The following CLCN1 variants were observed in gnomAD, a reference collection of about 807,000 sequenced individuals.
CLCN1 encodes the protein chloride channel protein 1.
In CLCN1, 100 loss-of-function variants were observed where a neutral mutation model predicts 114.5. That is an observed-to-expected ratio of 0.87 (90% CI 0.74 to 1.03). The LOEUF is 1.03. Among genes scored for constraint, CLCN1 ranks in the 50% least tolerant of loss-of-function variants. The probability of loss-of-function intolerance (pLI) is 0.00; values close to 1 mark genes in which losing one functional copy is unlikely to be tolerated. For synonymous variants in CLCN1, 485 were observed against 487.1 expected (o/e 1.00, Z 0.06); for missense variants, 1,188 against 1,250.0 (o/e 0.95, Z 0.75).
At chr7:143,335,641 A>T (rs1802856725) in intron 12 of CLCN1, among the ~76,000 whole-genome samples, 5 of 143,514 alleles carry the variant, frequency 3.5e-5, no homozygotes, top group South Asian at 2.2e-4. Flanking sequence ...GGCAGGTAAG[A>T]TTCTCAATTC....
intron 2 of CLCN1, 111 bp from the exon 3 acceptor site, chr7:143,320,553 T>C (rs939692821): frequency 9.0e-5 from 61 of 674,224 alleles, no homozygotes; most frequent in Admixed American, 6.0e-4. Flanking sequence ...TTAGCTGCTT[T>C]TCTCTCTCTC....
chr7:143,346,114 C>A, intron 17 of CLCN1, 26 bp from the exon 18 acceptor site: 1 of 1,461,946 alleles, frequency 6.8e-7, no homozygotes, highest in Non-Finnish European at 9.6e-7. Context: ...TGCTCCCAGG[C>A]TGAGACTTCT....
chr7:143,344,918 T>G (rs968692029), intron 16 of CLCN1, among the ~76,000 whole-genome samples: 2 of 152,044 alleles, frequency 1.3e-5, no homozygotes, highest in Non-Finnish European at 2.9e-5. Flanking sequence ...GCCCAGCTAA[T>G]TTTTTTATTT....
chr7:143,332,393 G>A (rs1802748450), intron 10 of CLCN1, 26 bp from the exon 11 acceptor site: 2 of 1,582,520 alleles, frequency 1.3e-6, no homozygotes, highest in Admixed American at 3.3e-5. Context: ...GCTGAATTGT[G>A]GCGGTTAACT....
rs1487003752 is a variant in CLCN1, at chr7:143,346,914, T to G, written c.2368T>G (p.Ser790Ala). The G allele has an allele frequency of 6.2e-7, 1 of 1,613,626 alleles. No homozygotes were observed. Among genetic ancestry groups the G allele is most frequent in the Non-Finnish European group, 8.5e-7 (1 of 1,179,666 alleles). The change falls in exon 20 of 23, where the codon TCC (serine) becomes GCC (alanine). Residue 790 changes from serine to alanine, a missense_variant. Coordinates refer to ENST00000343257, the MANE Select transcript of CLCN1 (RefSeq NM_000083.3). ...GACCTATGTCTTTCTTCTCTAGGAT[T>G]CCACAGATTTAGTGGATAACATGTC... ...RPTKKKTTQD[S>A]TDLVDNMSPE... is the part of the protein sequence containing the mutation.
intron 16 of CLCN1, 110 bp downstream of exon 16, chr7:143,342,615 T>A: frequency 9.1e-7 from 1 of 1,102,576 alleles, no homozygotes; most frequent in Non-Finnish European, 1.4e-6. Flanking sequence ...CCATCCAATG[T>A]GCTATGTACA....
Position 143,324,828 on chromosome 7 carries a change from T to C in CLCN1, c.853+336T>C, listed in dbSNP as rs1802536957. Reference sequence around the variant, plus strand: ...TCCCCTACTTATTTTCAAACCTGTTTGTATTGTTGGATGTTTTTGCCCTAC... The same window carrying C: ...TCCCCTACTTATTTTCAAACCTGTTCGTATTGTTGGATGTTTTTGCCCTAC... On this transcript the variant is annotated intron_variant, in intron 7 of 22. Transcript: ENST00000343257. This position sits in a 1 kb window ranked among gnomAD's most constrained non-coding sequence, Gnocchi z 4.6. 6.6e-6 allele frequency among the ~76,000 whole-genome samples: 1 copy of C among 152,160 alleles called. No homozygotes were observed. The highest frequency in any genetic ancestry group is 1.5e-5 in the Non-Finnish European group (1 of 68,030).
In CLCN1 at chr7:143,328,175, G is replaced by A. The variant is rs372480677; in HGVS notation, c.854-2597G>A. Among the ~76,000 whole-genome samples, 64 of 152,234 alleles carry A rather than the reference G, an allele frequency of 4.2e-4. 3 individuals carry two copies. In the South Asian group the frequency reaches 0.012, roughly 29 times the overall value. ...ATCTAGGTGAGACCATTTTTGCAGCGGGGTTGACGAGTCTGAAGCTCAGGA... is the reference window on the plus strand; with the variant it reads ...ATCTAGGTGAGACCATTTTTGCAGCAGGGTTGACGAGTCTGAAGCTCAGGA... On this transcript the variant is annotated intron_variant, in intron 7 of 22. Coordinates refer to ENST00000343257, the MANE Select transcript of CLCN1 (RefSeq NM_000083.3).
Position 143,351,678 on chromosome 7 carries a change from CGAAA to C in CLCN1, c.2683_2686del (p.Lys895ValfsTer27). On this transcript the variant is annotated frameshift_variant, in exon 23 of 23. Transcript: ENST00000343257. LOFTEE classifies it high-confidence loss of function. ...CAGCTTCCGGAACACGACTTCAACT[CGAAA>C]GAGTACCGGGGCACCTCCATCTTCT... 1.2e-6 allele frequency: 2 copies of C among 1,614,164 alleles called. No homozygotes were observed. The highest frequency in any genetic ancestry group is 1.7e-6 in the Non-Finnish European group (2 of 1,180,018).
chr7:143,350,309 A>G lies in CLCN1; in HGVS notation c.2404-63A>G. On this transcript the variant is annotated intron_variant, in intron 20 of 22. Coordinates refer to ENST00000343257, the MANE Select transcript of CLCN1 (RefSeq NM_000083.3). The surrounding 1 kb of genome is among the most constrained non-coding windows in gnomAD (Gnocchi z 5.1). ...GCTAGGAGGGCCGTTTGGGGTCAAA[A>G]TCAGGTATCTGGGGTGAAAGGAGGC... The G allele has an allele frequency of 8.1e-6, 11 of 1,365,424 alleles. No individual in the cohort carries two copies. Among genetic ancestry groups the G allele is most frequent in the Non-Finnish European group, 1.1e-5 (11 of 965,134 alleles). The allele number at this position is 1,365,424 out of a possible 1,614,324, so 84.6% of individuals were successfully genotyped here.
At chr7:143,326,650 T>A (rs1466533024) in intron 7 of CLCN1, among the ~76,000 whole-genome samples, 2 of 152,124 alleles carry the variant, frequency 1.3e-5, no homozygotes, top group Non-Finnish European at 2.9e-5. Flanking sequence ...TAAGTAGGAC[T>A]GGCAAGGAGG....
chr7:143,319,973 C>G, intron 2 of CLCN1, 98 bp downstream of exon 2: 1 of 1,305,952 alleles, frequency 7.7e-7, no homozygotes. Context: ...TACTCCCTGC[C>G]CTGCTACAAA....
Position 143,323,375 on chromosome 7 carries a change from G to A in CLCN1, c.763G>A (p.Gly255Arg), listed in dbSNP as rs746691295. The A allele has an allele frequency of 6.2e-6, 10 of 1,612,462 alleles. No homozygotes were observed. The South Asian group carries it at 8.8e-5, about 14-fold the overall frequency. The change falls in exon 6 of 23, where the codon GGG becomes AGG. Residue 255 changes from glycine (G) to arginine (R), a missense_variant. Coordinates refer to ENST00000343257, the MANE Select transcript of CLCN1 (RefSeq NM_000083.3). The stretch of plus-strand genomic sequence containing the variant: ...CAGCAAATTCATGTCTGTGTTCTGC[G>A]GGGTATATGAGGTAAGGTTGAGACA... ...VLSKFMSVFC[G>R]VYEQPYYYSD...
rs980318274 is a variant in CLCN1, at chr7:143,350,536, A to C, written c.2509-32A>C. ...AAGGCAGGAGAGCTGTGGGGCAAGG[A>C]ACATGCACTGACCTGTGCTCTTCAT... is the stretch of plus-strand genomic sequence containing the variant. On this transcript the variant is annotated intron_variant, in intron 21 of 22. Coordinates refer to ENST00000343257, the MANE Select transcript of CLCN1 (RefSeq NM_000083.3). The surrounding 1 kb of genome is among the most constrained non-coding windows in gnomAD (Gnocchi z 5.1). The C allele has an allele frequency of 6.2e-7, 1 of 1,611,014 alleles. No homozygotes were observed. The highest frequency in any genetic ancestry group is 8.5e-7 in the Non-Finnish European group (1 of 1,177,286).
At chr7:143,320,568 TCTCTC>T in intron 2 of CLCN1, 91 bp from the exon 3 acceptor site, 1 of 1,022,762 alleles carries the variant, frequency 9.8e-7, no homozygotes, top group Non-Finnish European at 1.4e-6. Flanking sequence ...TCTCTCTCTC[TCTCTC>T]TCTCTCTCTC....
Position 143,346,182 on chromosome 7 carries a change from C to T in CLCN1, c.2215C>T (p.Leu739=). Residue 739 remains leucine (L), a synonymous_variant, in exon 18 of 23, where the codon CTG becomes TTG. Transcript: ENST00000343257. Reference sequence around the variant, plus strand: ...TCTCCACCCCTCTACTACTGCCCCTCTGTCCCCAGAAGAGCCCAATGGGCC... The same window carrying T: ...TCTCCACCCCTCTACTACTGCCCCTTTGTCCCCAGAAGAGCCCAATGGGCC... The part of the protein sequence containing the change: ...LALHPSTTAP[L]SPEEPNGPLP... The T allele has an allele frequency of 1.9e-6, 3 of 1,613,792 alleles. No individual in the cohort carries two copies. Among genetic ancestry groups the T allele is most frequent in the East Asian group, 4.5e-5 (2 of 44,832 alleles).
At chr7:143,346,035 G>A in intron 17 of CLCN1, 105 bp from the exon 18 acceptor site, 1 of 874,442 alleles carries the variant, frequency 1.1e-6, no homozygotes, top group South Asian at 1.4e-5. Context: ...TGAACTGGGG[G>A]GAAGAATAGA....
chr7:143,346,795 T>C (rs1463694836), intron 19 of CLCN1, 116 bp from the exon 20 acceptor site: 2 of 1,201,712 alleles, frequency 1.7e-6, no homozygotes, highest in Non-Finnish European at 2.5e-6. Context: ...GGATGATGAA[T>C]GAAAAGGAGG....
intron 5 of CLCN1, among the ~76,000 whole-genome samples, 154 bp from the exon 6 acceptor site, chr7:143,323,155 G>T (rs1324738454): frequency 2.0e-5 from 3 of 152,028 alleles, no homozygotes; most frequent in Non-Finnish European, 4.4e-5. Flanking sequence ...CTTCCTCTCT[G>T]GGATGAGGCC....
Sources: allele counts gnomAD v4.1 joint callset (sites outside exome capture counted in the v4.1 genomes callset), GRCh38; gene constraint gnomAD v4.1.1; non-coding constraint Gnocchi (gnomAD v3.1); transcripts MANE v1.5; gene names NCBI Gene and HGNC (gene_info 2026-07-23, HGNC 2026-07-21).